BTLA: variants seen among roughly 807,000 people sequenced by gnomAD.
BTLA encodes the protein B and T lymphocyte associated.
Under a neutral mutation model 25.0 loss-of-function variants are expected in BTLA, and 11 were observed. The ratio of observed to expected loss-of-function variants is 0.44; its 90% CI spans 0.28 to 0.73. The LOEUF (loss-of-function observed/expected upper bound fraction) is 0.73. Ranked by LOEUF, BTLA falls within the 30% of genes least tolerant of loss-of-function variation. The probability of loss-of-function intolerance (pLI) is 0.15; values close to 1 mark genes in which losing one functional copy is unlikely to be tolerated. For missense variants in BTLA, 282 were observed against 332.8 expected, an observed-to-expected ratio of 0.85 and a Z score of 1.19; for synonymous variants, 104 against 119.8, an observed-to-expected ratio of 0.87 and a Z score of 0.86.
chr3:112,475,194 C>A (rs2082282524), intron 2 of BTLA, among the ~76,000 whole-genome samples: 1 of 152,114 alleles, frequency 6.6e-6, no homozygotes, highest in Admixed American at 6.5e-5. Flanking sequence ...AAAGAAAATT[C>A]TCTGGGATTT....
chr3:112,473,316 A>G (rs2082272622), intron 2 of BTLA, among the ~76,000 whole-genome samples: 1 of 152,034 alleles, frequency 6.6e-6, no homozygotes, highest in African/African-American at 2.4e-5. Flanking sequence ...CATCAACCCC[A>G]CGATCATTGA....
chr3:112,473,768 C>T (rs1295700283), intron 2 of BTLA, among the ~76,000 whole-genome samples: 2 of 151,922 alleles, frequency 1.3e-5, no homozygotes, highest in African/African-American at 2.4e-5. Flanking sequence ...GCGCCTCCCA[C>T]CGTGCCCAGT....
chr3:112,483,858 C>T (rs560224125), intron 1 of BTLA, among the ~76,000 whole-genome samples: 21 of 152,040 alleles, frequency 1.4e-4, no homozygotes, highest in Admixed American at 9.8e-4. Flanking sequence ...ATCCCAGCTA[C>T]TCAAGAGGCT....
At chr3:112,494,403 G>C (rs2082397733) in intron 1 of BTLA, among the ~76,000 whole-genome samples, 1 of 151,988 alleles carries the variant, frequency 6.6e-6, no homozygotes, top group Non-Finnish European at 1.5e-5. Context: ...CCCGTTACTG[G>C]GTATATACTC....
intron 4 of BTLA, among the ~76,000 whole-genome samples, chr3:112,468,821 A>G (rs1223622838): frequency 2.0e-5 from 3 of 152,194 alleles, no homozygotes; most frequent in Admixed American, 2.0e-4. Flanking sequence ...TGAAAACTTA[A>G]TAGAAGTTTG....
At chr3:112,476,687 C>T (rs1023187516) in intron 2 of BTLA, among the ~76,000 whole-genome samples, 4 of 152,122 alleles carry the variant, frequency 2.6e-5, no homozygotes, top group African/African-American at 9.7e-5. Flanking sequence ...TGGTAAAATA[C>T]ATATAACATA....
rs1187365019 is a variant in BTLA at position 112,479,729 on chromosome 3, T to C, written c.129A>G (p.Gln43=). The C allele has an allele frequency of 2.5e-6, 4 of 1,613,352 alleles. No homozygotes were observed. The highest frequency in any genetic ancestry group is 3.4e-6 in the Non-Finnish European group (4 of 1,179,698). ...SCDVQLYIKR[Q]SEHSILAGDP... ...CTCCTGCTAAGATGGAGTGTTCAGA[T>C]TGTCTCTTTATATAAAGCTGTACAT... The change falls in exon 2 of 5, where the codon CAA becomes CAG. Residue 43 remains glutamine, a synonymous_variant. Coordinates refer to ENST00000334529, the MANE Select transcript of BTLA (RefSeq NM_181780.4).
chr3:112,470,636 T>C (rs1399992789), intron 3 of BTLA, among the ~76,000 whole-genome samples: 1 of 152,242 alleles, frequency 6.6e-6, no homozygotes, highest in African/African-American at 2.4e-5. Flanking sequence ...ATTTTCAAAA[T>C]ATCACACCAT....
intron 4 of BTLA, among the ~76,000 whole-genome samples, chr3:112,468,585 A>G (rs957027185): frequency 1.3e-5 from 2 of 152,250 alleles, no homozygotes; most frequent in Admixed American, 1.3e-4. Context: ...TAATTTATCC[A>G]GCCTACCCAG....
chr3:112,473,458 G>A (rs1309991475), intron 2 of BTLA, among the ~76,000 whole-genome samples: 1 of 152,080 alleles, frequency 6.6e-6, no homozygotes, highest in Non-Finnish European at 1.5e-5. Flanking sequence ...TCTGCACAAT[G>A]ATATCTCTGG....
In BTLA at chr3:112,479,664, T is replaced by C. The variant is rs1278250240; in HGVS notation, c.194A>G (p.Asn65Ser). 2 of 1,614,158 alleles carry C rather than the reference T, an allele frequency of 1.2e-6. No individual in the cohort carries two copies. The highest frequency in any genetic ancestry group is 1.7e-6 in the Non-Finnish European group (2 of 1,179,978). Residue 65 changes from asparagine (N) to serine (S), a missense_variant, in exon 2 of 5, where the codon AAC (asparagine) becomes AGC (serine). Physicochemically the swap from Asn to Ser is conservative, Grantham distance 46 (BLOSUM62 1). Around this residue, in one of 2 missense-constraint regions of BTLA, gnomAD observed 163 missense variants for 230.4 expected, o/e 0.71. Transcript: ENST00000334529. ...ELECPVKYCA[N>S]RPHVTWCKLN... is the part of the protein sequence containing the mutation. ...CTTGCACCAAGTCACATGAGGCCTG[T>C]TAGCACAGTATTTCACAGGGCATTC...
intron 3 of BTLA, 151 bp from the exon 4 acceptor site, chr3:112,469,955 T>G: frequency 1.7e-6 from 1 of 598,250 alleles, no homozygotes; most frequent in South Asian, 1.9e-5. Flanking sequence ...CACTTGTTTG[T>G]GATAATTCAC....
At chr3:112,477,859 G>A (rs1221513012) in intron 2 of BTLA, among the ~76,000 whole-genome samples, 1 of 151,880 alleles carries the variant, frequency 6.6e-6, no homozygotes, top group Non-Finnish European at 1.5e-5. Context: ...CAATTATCCT[G>A]GCACCATTTA....
Position 112,471,202 on chromosome 3 carries a change from T to C in BTLA, c.547+10A>G. 1 of 1,613,152 alleles carries C rather than the reference T, an allele frequency of 6.2e-7. No individual in the cohort carries two copies. The highest frequency in any genetic ancestry group is 8.5e-7 in the Non-Finnish European group (1 of 1,179,514). ...TGTGGTACTGGGGGCAGAGGGAAAA[T>C]AGAACCCACCTTGGTGCCTTCTCAG... On this transcript the variant is annotated intron_variant, in intron 3 of 4. Coordinates refer to ENST00000334529, the MANE Select transcript of BTLA (RefSeq NM_181780.4).
rs368718837 is a variant in BTLA at position 112,479,663 on chromosome 3, G to A, written c.195C>T (p.Asn65=). ...ELECPVKYCA[N]RPHVTWCKLN... ...GCTTGCACCAAGTCACATGAGGCCTGTTAGCACAGTATTTCACAGGGCATT... is the reference window on the plus strand; with the variant it reads ...GCTTGCACCAAGTCACATGAGGCCTATTAGCACAGTATTTCACAGGGCATT... Residue 65 remains asparagine, a synonymous_variant, in exon 2 of 5, where the codon AAC becomes AAT. Transcript: ENST00000334529. The A allele has an allele frequency of 3.6e-5, 58 of 1,613,998 alleles. No homozygotes were observed. The African/African-American group carries it at 7.5e-4, about 21-fold the overall frequency.
chr3:112,482,951 A>AATT (rs2082325234), intron 1 of BTLA, among the ~76,000 whole-genome samples: 1 of 152,128 alleles, frequency 6.6e-6, no homozygotes, highest in African/African-American at 2.4e-5. Flanking sequence ...TGAAGTTAAT[A>AATT]GACTCCCTCA....
At chr3:112,477,533 G>A (rs1159457859) in intron 2 of BTLA, among the ~76,000 whole-genome samples, 1 of 151,660 alleles carries the variant, frequency 6.6e-6, no homozygotes, top group Non-Finnish European at 1.5e-5. Flanking sequence ...TTTAAAATTA[G>A]GTTGCCAGTC....
intron 2 of BTLA, among the ~76,000 whole-genome samples, chr3:112,475,104 T>C (rs1220714977): frequency 6.6e-6 from 1 of 152,150 alleles, no homozygotes; most frequent in African/African-American, 2.4e-5. Flanking sequence ...AAGATAATGA[T>C]GGTGCGAGAT....
intron 1 of BTLA, among the ~76,000 whole-genome samples, chr3:112,482,500 C>A (rs1004919250): frequency 5.3e-5 from 8 of 152,174 alleles, no homozygotes; most frequent in African/African-American, 1.9e-4. Context: ...TAAATATTCT[C>A]ATTTTATCTA....
Sources: gnomAD v4.1 joint callset for allele counts (sites outside exome capture counted in the v4.1 genomes callset) on GRCh38, gnomAD v4.1.1 for gene constraint, gnomAD v4.1.1 regional missense constraint, MANE v1.5 for transcripts, NCBI Gene and HGNC (gene_info 2026-07-23, HGNC 2026-07-21) for gene names.